Variants in ICA1L observed in about 807,000 individuals in gnomAD.
ICA1L encodes the protein islet cell autoantigen 1-like protein.
In ICA1L, 50 loss-of-function variants were observed where a neutral mutation model predicts 61.3. The observed-to-expected ratio is 0.82, with a 90% CI of 0.65 to 1.03. The LOEUF is 1.03. Among genes scored for constraint, ICA1L ranks in the 50% least tolerant of loss-of-function variants. The pLI is 0.00. For synonymous variants in ICA1L, 161 were observed against 191.3 expected, an observed-to-expected ratio of 0.84 and a Z score of 1.31; for missense variants, 508 against 556.7, an observed-to-expected ratio of 0.91 and a Z score of 0.88.
intron 10 of ICA1L, among the ~76,000 whole-genome samples, chr2:202,791,920 C>A (rs1450964581): frequency 6.6e-6 from 1 of 152,056 alleles, no homozygotes; most frequent in Non-Finnish European, 1.5e-5. Context: ...GTAATCCCAG[C>A]ACTTTGGAAG....
intron 1 of ICA1L, among the ~76,000 whole-genome samples, chr2:202,832,761 A>T (rs1008946787): frequency 6.6e-6 from 1 of 152,110 alleles, no homozygotes; most frequent in African/African-American, 2.4e-5. Context: ...CCTGGGTGAC[A>T]GACTGTGTGA....
chr2:202,841,573 G>T, intron 1 of ICA1L: 1 of 700,198 alleles, frequency 1.4e-6, no homozygotes, highest in South Asian at 1.4e-5. Flanking sequence ...GGTTGACTGT[G>T]ACAGCAGTGA....
chr2:202,857,848 G>A (rs966632135), intron 1 of ICA1L, among the ~76,000 whole-genome samples: 18 of 152,174 alleles, frequency 1.2e-4, no homozygotes, highest in African/African-American at 4.1e-4. Flanking sequence ...CATTTATGTG[G>A]CCAAGAAACA....
rs537082267 is a variant in ICA1L at position 202,835,483 on chromosome 2, G to C, written c.-7-6467C>G. On this transcript the variant is annotated intron_variant, in intron 1 of 12. Coordinates refer to ENST00000358299, the MANE Select transcript of ICA1L (RefSeq NM_001288622.3). ...GGCCTCCCAAAGTGCTGGGATTACA[G>C]GCGTGAGGGACCCCACCTGGCCAGA... is the stretch of plus-strand genomic sequence containing the variant. Among the ~76,000 whole-genome samples the C allele has an allele frequency of 1.3e-3, 199 of 151,824 alleles. 1 individual carries two copies. Among genetic ancestry groups the C allele is most frequent in the Admixed American group, 4.3e-3 (66 of 15,250 alleles).
At chr2:202,841,458 C>G in intron 1 of ICA1L, 1 of 1,029,594 alleles carries the variant, frequency 9.7e-7, no homozygotes, top group Non-Finnish European at 1.5e-6. Flanking sequence ...GGAATTGTAC[C>G]TTGTCTATGG....
rs1694559979 is a variant in ICA1L at position 202,849,600 on chromosome 2, G to C, written c.-7-20584C>G. On this transcript the variant is annotated intron_variant, in intron 1 of 12. Coordinates refer to ENST00000358299, the MANE Select transcript of ICA1L (RefSeq NM_001288622.3). This position sits in a 1 kb window ranked among gnomAD's most constrained non-coding sequence, Gnocchi z 4.5. ...TCTAGACTCCTCCTCACTGGGCAGGGCATCTCTGAAAGAAAGGCAGCAGCC... is the reference window on the plus strand; with the variant it reads ...TCTAGACTCCTCCTCACTGGGCAGGCCATCTCTGAAAGAAAGGCAGCAGCC... Among the ~76,000 whole-genome samples, 1 of 152,224 alleles carries C rather than the reference G, an allele frequency of 6.6e-6. No individual in the cohort carries two copies. Among genetic ancestry groups the C allele is most frequent in the Non-Finnish European group, 1.5e-5 (1 of 68,034 alleles).
intron 12 of ICA1L, among the ~76,000 whole-genome samples, chr2:202,782,108 G>A (rs1198494783): frequency 1.3e-5 from 2 of 152,078 alleles, no homozygotes; most frequent in African/African-American, 4.8e-5. Context: ...CACTTTAGGA[G>A]GCCAAGGCAG....
rs1420248160 is a variant in ICA1L at position 202,776,605 on chromosome 2, G to T, written c.*2928C>A. ...AAATTTCTTTCTGACCACAAAAACT[G>T]CTGAGCTTCAAATAACTAATCTTGA... On this transcript the variant is annotated 3_prime_UTR_variant, in exon 13 of 13. Transcript: ENST00000358299. 1 of 152,170 alleles carries T rather than the reference G, an allele frequency of 6.6e-6. No individual in the cohort carries two copies. Among genetic ancestry groups the T allele is most frequent in the African/African-American group, 2.4e-5 (1 of 41,438 alleles). 9.4% of individuals were successfully genotyped at this position (152,170 alleles called of 1,614,324 possible).
rs1692154190 is a variant in ICA1L, at chr2:202,774,414, G to A, written c.*5119C>T. 2.2e-6 allele frequency: 2 copies of A among 915,502 alleles called. No individual in the cohort carries two copies. Among genetic ancestry groups the A allele is most frequent in the Admixed American group, 4.2e-5 (1 of 23,576 alleles). 56.7% of individuals were successfully genotyped at this position (915,502 alleles called of 1,614,324 possible). Reference sequence around the variant, plus strand: ...CACTGCGCCTCCAACAGCCAGGGTCGAGCCCCTGGCTCCCCGTTCGTCCAG... The same window carrying A: ...CACTGCGCCTCCAACAGCCAGGGTCAAGCCCCTGGCTCCCCGTTCGTCCAG... On this transcript the variant is annotated 3_prime_UTR_variant, in exon 13 of 13. Transcript: ENST00000358299.
chr2:202,853,257 T>C (rs1440682534), intron 1 of ICA1L, among the ~76,000 whole-genome samples: 3 of 149,526 alleles, frequency 2.0e-5, no homozygotes, highest in African/African-American at 7.4e-5. Flanking sequence ...CTCGGGAGGC[T>C]GAGGCAGGAG....
chr2:202,838,005 C>T (rs1199167686), intron 1 of ICA1L, among the ~76,000 whole-genome samples: 1 of 152,044 alleles, frequency 6.6e-6, no homozygotes, highest in Non-Finnish European at 1.5e-5. Flanking sequence ...AGGCGCCCAC[C>T]ACCACGCCTG....
At chr2:202,841,452 T>C (rs962158289) in intron 1 of ICA1L, 18 of 1,101,436 alleles carry the variant, frequency 1.6e-5, no homozygotes, top group Admixed American at 3.4e-5. Context: ...GCTCCAGGAA[T>C]TGTACCTTGT....
rs1434616598 is a variant in ICA1L at position 202,850,913 on chromosome 2, G to A, written c.-8+20706C>T. Among the ~76,000 whole-genome samples, 2 of 152,116 alleles carry A rather than the reference G, an allele frequency of 1.3e-5. 1 individual carries two copies. The highest frequency in any genetic ancestry group is 3.9e-4 in the East Asian group (2 of 5,188). On this transcript the variant is annotated intron_variant, in intron 1 of 12. Transcript: ENST00000358299. ...AGAAAGGTCAGGTTACCGACAAAGG[G>A]AAGTCCATCACACTAACAGTGGATC... is the stretch of plus-strand genomic sequence containing the variant.
intron 1 of ICA1L, among the ~76,000 whole-genome samples, chr2:202,847,962 A>C (rs1331948679): frequency 6.6e-6 from 1 of 152,124 alleles, no homozygotes; most frequent in East Asian, 1.9e-4. Context: ...CCATTTTCCT[A>C]AGCAAATTAA....
chr2:202,810,751 C>T (rs1443271845), intron 9 of ICA1L, among the ~76,000 whole-genome samples: 3 of 152,178 alleles, frequency 2.0e-5, no homozygotes, highest in Non-Finnish European at 4.4e-5. Context: ...TTTTTCTCAG[C>T]AAGGAACATC....
In ICA1L at chr2:202,774,490, TA is replaced by T. The variant is rs1172942017; in HGVS notation, c.*5042del. The T allele has an allele frequency of 1.5e-5, 7 of 461,896 alleles. No homozygotes were observed. The highest frequency in any genetic ancestry group is 1.3e-4 in the Admixed American group (3 of 22,462). 28.6% of individuals were successfully genotyped at this position (461,896 alleles called of 1,614,324 possible). A position where few individuals can be genotyped will look rare whatever the true frequency, so the allele number is the denominator to read the frequency against. ...TTCATGTTTTTTGTATGTGTTTTTT[TA>T]GGTTATGGTCAGTGAGGTTTAGCCA... On this transcript the variant is annotated 3_prime_UTR_variant, in exon 13 of 13. Transcript: ENST00000358299.
At chr2:202,785,832 CA>C (rs200100377) in intron 12 of ICA1L, 85 bp downstream of exon 12, 1 of 740,322 alleles carries the variant, frequency 1.4e-6, no homozygotes, top group Non-Finnish European at 2.2e-6. Flanking sequence ...GAGGTGAAAA[CA>C]ATATAAAGTG....
chr2:202,803,820 G>T (rs1000494516), intron 9 of ICA1L, among the ~76,000 whole-genome samples: 1 of 152,020 alleles, frequency 6.6e-6, no homozygotes, highest in Non-Finnish European at 1.5e-5. Context: ...GTGCCACCAC[G>T]CCTGGCCCAA....
chr2:202,835,648 G>A (rs532663667), intron 1 of ICA1L, among the ~76,000 whole-genome samples: 1 of 150,050 alleles, frequency 6.7e-6, no homozygotes, highest in Admixed American at 6.7e-5. Context: ...CTGGGCTCAA[G>A]CAATTCTCCC....
Sources: gnomAD v4.1 joint callset for allele counts (sites outside exome capture counted in the v4.1 genomes callset) on GRCh38, gnomAD v4.1.1 for gene constraint, Gnocchi (gnomAD v3.1) non-coding constraint, MANE v1.5 for transcripts, NCBI Gene and HGNC (gene_info 2026-07-23, HGNC 2026-07-21) for gene names.